The following CIBAR2 variants were observed in gnomAD, a reference collection of about 807,000 sequenced individuals.
CIBAR2 encodes the protein CBY1-interacting BAR domain-containing protein 2.
Under a neutral mutation model 36.2 loss-of-function variants are expected in CIBAR2, and 38 were observed. The ratio of observed to expected loss-of-function variants is 1.05; its 90% CI spans 0.81 to 1.38. The LOEUF is 1.38. Among genes scored for constraint, CIBAR2 ranks in the 40% most tolerant of loss-of-function variants. The pLI, the probability that CIBAR2 is intolerant of heterozygous loss-of-function variation, is 0.00. For synonymous variants in CIBAR2, 182 were observed against 149.5 expected (o/e 1.22, Z -1.58); for missense variants, 481 against 383.4 (o/e 1.25, Z -2.13).
intron 2 of CIBAR2, 144 bp from the exon 3 acceptor site, chr16:85,108,243 C>G: frequency 1.4e-6 from 1 of 735,502 alleles, no homozygotes; most frequent in Non-Finnish European, 2.2e-6. Flanking sequence ...CTCCCTTTTC[C>G]CGGTGTGTTG....
Position 85,100,138 on chromosome 16 carries a change from C to T in CIBAR2, c.753+1G>A. ...AACCCCTCACCCACCCACACGCTCA[C>T]CTGGCTGGCGAGAGACTGAAGAACA... On this transcript the variant is annotated splice_donor_variant, in intron 8 of 8. Transcript: ENST00000539556. LOFTEE classifies it high-confidence loss of function. 6.2e-7 allele frequency: 1 copy of T among 1,608,740 alleles called. No individual in the cohort carries two copies. The highest frequency in any genetic ancestry group is 8.5e-7 in the Non-Finnish European group (1 of 1,177,690).
chr16:85,111,750 A>G (rs1010903356), intron 1 of CIBAR2, among the ~76,000 whole-genome samples: 2 of 152,246 alleles, frequency 1.3e-5, no homozygotes, highest in African/African-American at 2.4e-5. Flanking sequence ...AGGCTGAGGC[A>G]TGAGAATCGC....
chr16:85,107,396 C>T (rs1015987294), intron 5 of CIBAR2, among the ~76,000 whole-genome samples: 1 of 152,138 alleles, frequency 6.6e-6, no homozygotes, highest in African/African-American at 2.4e-5. Context: ...GGGGATGAGG[C>T]TAGCAGTGCC....
intron 2 of CIBAR2, 106 bp downstream of exon 2, chr16:85,110,119 AC>A (rs1000423872): frequency 2.6e-6 from 2 of 766,686 alleles, no homozygotes; most frequent in Admixed American, 2.7e-5. Context: ...CTGGAGACAC[AC>A]CCATTGGCTG....
intron 7 of CIBAR2, among the ~76,000 whole-genome samples, chr16:85,101,103 A>C (rs2073952114): frequency 6.6e-6 from 1 of 151,450 alleles, no homozygotes. Context: ...GAGGAAGCCC[A>C]GGCCCCATGG....
rs753996502 is a variant in CIBAR2 at position 85,110,360 on chromosome 16, G to T, written c.121C>A (p.Arg41=). 6.2e-7 allele frequency: 1 copy of T among 1,613,514 alleles called. No individual in the cohort carries two copies. Among genetic ancestry groups the T allele is most frequent in the Non-Finnish European group, 8.5e-7 (1 of 1,179,814 alleles). Residue 41 remains arginine (R), a synonymous_variant, in exon 2 of 9, where the codon CGG becomes AGG. Transcript: ENST00000539556. The stretch of plus-strand genomic sequence containing the variant: ...AGCTGGTCCGCCTTGTCCCGCAGCC[G>T]GGCCGTCTTGCGCGTGTAGGCGGCC... ...LLAAYTRKTA[R]LRDKADQLVK...
At chr16:85,105,595 C>G (rs1470814205) in intron 5 of CIBAR2, among the ~76,000 whole-genome samples, 164 bp from the exon 6 acceptor site, 1 of 152,182 alleles carries the variant, frequency 6.6e-6, no homozygotes. Flanking sequence ...CTGAGTAGGA[C>G]CCCGGCTGAA....
chr16:85,101,012 C>T (rs1350980940), intron 7 of CIBAR2, among the ~76,000 whole-genome samples: 1 of 151,642 alleles, frequency 6.6e-6, no homozygotes, highest in Non-Finnish European at 1.5e-5. Flanking sequence ...TGCCACTGCA[C>T]TCCAGCCTGG....
intron 6 of CIBAR2, 110 bp downstream of exon 6, chr16:85,105,217 G>C: frequency 1.5e-6 from 1 of 678,514 alleles, no homozygotes; most frequent in Non-Finnish European, 2.6e-6. Context: ...CGTGTACACA[G>C]ACCCATACAC....
At chr16:85,107,715 C>G (rs779399904) in intron 4 of CIBAR2, 43 bp from the exon 5 acceptor site, 1 of 1,613,374 alleles carries the variant, frequency 6.2e-7, no homozygotes, top group South Asian at 1.1e-5. Context: ...GCCCAGGCAG[C>G]CCCGTTGGGG....
rs1004722397 is a variant in CIBAR2 at position 85,110,346 on chromosome 16, C to T, written c.135G>A (p.Lys45=). The T allele has an allele frequency of 2.5e-5, 40 of 1,613,426 alleles. No homozygotes were observed. Among genetic ancestry groups the T allele is most frequent in the Non-Finnish European group, 3.4e-5 (40 of 1,179,812 alleles). The change falls in exon 2 of 9, where the codon AAG becomes AAA. Residue 45 remains lysine, a synonymous_variant. Transcript: ENST00000539556. ...TGAGCTGCTTGACCAGCTGGTCCGC[C>T]TTGTCCCGCAGCCGGGCCGTCTTGC... ...YTRKTARLRD[K]ADQLVKQLID...
At chr16:85,111,478 T>TG (rs1302203165) in intron 1 of CIBAR2, among the ~76,000 whole-genome samples, 1 of 152,092 alleles carries the variant, frequency 6.6e-6, no homozygotes, top group Non-Finnish European at 1.5e-5. Context: ...AGTCAGACAC[T>TG]GGGGCTCCTA....
Position 85,105,399 on chromosome 16 carries a change from G to A in CIBAR2, c.465C>T (p.Asp155=). The change falls in exon 6 of 9, where the codon GAC becomes GAT. Residue 155 remains aspartate (D), a synonymous_variant. Transcript: ENST00000539556. The part of the protein sequence containing the change: ...AETRVQRAAV[D]SSRTTLQLEE... Reference sequence around the variant, plus strand: ...CCAGCTGGAGGGTGGTGCGGCTGGAGTCCACAGCGGCCCTCTGCACTCTGG... The same window carrying A: ...CCAGCTGGAGGGTGGTGCGGCTGGAATCCACAGCGGCCCTCTGCACTCTGG... 4.3e-6 allele frequency: 7 copies of A among 1,613,846 alleles called. No individual in the cohort carries two copies. The highest frequency in any genetic ancestry group is 2.7e-5 in the African/African-American group (2 of 75,062).
intron 5 of CIBAR2, among the ~76,000 whole-genome samples, chr16:85,106,011 G>C (rs2073993199): frequency 1.3e-5 from 2 of 152,170 alleles, no homozygotes; most frequent in Non-Finnish European, 2.9e-5. Flanking sequence ...TCTTTAAAAT[G>C]GGGACTTAAA....
At chr16:85,110,127 G>T in intron 2 of CIBAR2, 99 bp downstream of exon 2, 3 of 855,288 alleles carry the variant, frequency 3.5e-6, no homozygotes, top group Non-Finnish European at 5.4e-6. Context: ...ACACCCATTG[G>T]CTGTGGCCAC....
Position 85,098,729 on chromosome 16 carries a change from G to T in CIBAR2, c.*456C>A. 1.4e-6 allele frequency: 1 copy of T among 713,818 alleles called. No individual in the cohort carries two copies. The highest frequency in any genetic ancestry group is 1.7e-6 in the Non-Finnish European group (1 of 581,780). The allele number at this position is 713,818 out of a possible 1,614,324, so 44.2% of individuals were successfully genotyped here. A position where few individuals can be genotyped will look rare whatever the true frequency, so the allele number is the denominator to read the frequency against. Reference sequence around the variant, plus strand: ...CGACAGCAACATCAGTAATGATAATGGCAGCAACAAGTCTCAAGTGTTTGT... The same window carrying T: ...CGACAGCAACATCAGTAATGATAATTGCAGCAACAAGTCTCAAGTGTTTGT... On this transcript the variant is annotated 3_prime_UTR_variant, in exon 9 of 9. Coordinates refer to ENST00000539556, the MANE Select transcript of CIBAR2 (RefSeq NM_198491.3).
At chr16:85,107,094 C>T (rs960524589) in intron 5 of CIBAR2, among the ~76,000 whole-genome samples, 6 of 151,844 alleles carry the variant, frequency 4.0e-5, no homozygotes, top group African/African-American at 1.5e-4. Flanking sequence ...TGCAGTGAGC[C>T]GAGACTCTGC....
At chr16:85,101,313 T>C (rs2073953702) in intron 7 of CIBAR2, among the ~76,000 whole-genome samples, 2 of 152,150 alleles carry the variant, frequency 1.3e-5, no homozygotes, top group Admixed American at 6.5e-5. Context: ...CAGTGGGCCC[T>C]GCAAATCTCG....
rs532951406 is a variant in CIBAR2 at position 85,098,783 on chromosome 16, C to T, written c.*402G>A. 965 of 307,862 alleles carry T rather than the reference C, an allele frequency of 3.1e-3. 4 individuals carry two copies. The highest frequency in any genetic ancestry group is 6.0e-3 in the Admixed American group (93 of 15,518). The allele number at this position is 307,862 out of a possible 1,614,324, so 19.1% of individuals were successfully genotyped here. A position where few individuals can be genotyped will look rare whatever the true frequency, so the allele number is the denominator to read the frequency against. ...GCAACAGGCCGGGTTTTCTGTGCTT[C>T]GTATAGATCTGTTCATCTGATACTC... On this transcript the variant is annotated 3_prime_UTR_variant, in exon 9 of 9. Transcript: ENST00000539556.
Sources: allele counts gnomAD v4.1 joint callset (sites outside exome capture counted in the v4.1 genomes callset), GRCh38; gene constraint gnomAD v4.1.1; transcripts MANE v1.5; gene names NCBI Gene and HGNC (gene_info 2026-07-23, HGNC 2026-07-21).